The following CDH18 variants were observed in gnomAD, a reference collection of about 807,000 sequenced individuals.
The protein encoded by CDH18 is cadherin 18, also known as cadherin-18.
A neutral mutation model predicts 67.9 loss-of-function variants in CDH18; 31 were observed. The observed-to-expected ratio is 0.46, with a 90% confidence interval of 0.34 to 0.62. The LOEUF is 0.62. Among genes scored for constraint, CDH18 ranks in the 20% least tolerant of loss-of-function variants. CDH18 has a pLI of 0.01. For synonymous variants in CDH18, 362 were observed against 347.2 expected (o/e 1.04, Z -0.48); for missense variants, 890 against 975.5 (o/e 0.91, Z 1.17).
intron 1 of CDH18, among the ~76,000 whole-genome samples, chr5:20,328,044 A>C (rs577908272): frequency 9.7e-4 from 148 of 152,220 alleles, no homozygotes; most frequent in Non-Finnish European, 1.9e-3. Flanking sequence ...GTTAGAAAAT[A>C]AGAAGTCCAC....
intron 2 of CDH18, among the ~76,000 whole-genome samples, chr5:20,032,870 CATT>C (rs1004047335): frequency 6.6e-5 from 10 of 152,024 alleles, no homozygotes; most frequent in Admixed American, 2.6e-4. Flanking sequence ...TCACATAACA[CATT>C]AGTAGTAGTA....
intron 3 of CDH18, among the ~76,000 whole-genome samples, chr5:19,832,510 C>T (rs1175018317): frequency 6.6e-6 from 1 of 151,978 alleles, no homozygotes; most frequent in Admixed American, 6.6e-5. Flanking sequence ...GGAGTTATCC[C>T]TTCTCACGTT....
Position 19,558,263 on chromosome 5 carries a change from A to G in CDH18, c.1253+13316T>C, listed in dbSNP as rs531060577. Among the ~76,000 whole-genome samples, 6 of 151,642 alleles carry G rather than the reference A, an allele frequency of 4.0e-5. No homozygotes were observed. The South Asian group carries it at 1.0e-3, about 26-fold the overall frequency. The stretch of plus-strand genomic sequence containing the variant: ...AGAGAAACAAGAACAAACCACACCC[A>G]AACACAGGAGAAGAAAATAAATAAC... On this transcript the variant is annotated intron_variant, in intron 8 of 12. Coordinates refer to ENST00000382275, the MANE Select transcript of CDH18 (RefSeq NM_004934.5).
chr5:19,632,219 A>G lies in CDH18; in HGVS notation c.644-19618T>C, dbSNP rs186917565. On this transcript the variant is annotated intron_variant, in intron 5 of 12. Coordinates refer to ENST00000382275, the MANE Select transcript of CDH18 (RefSeq NM_004934.5). ...GACATATTTTCTCCAAAGCAGACAT[A>G]TAAGTCTGAAACTTCACAATTCCTG... is the stretch of plus-strand genomic sequence containing the variant. Among the ~76,000 whole-genome samples, 326 of 152,354 alleles carry G rather than the reference A, an allele frequency of 2.1e-3. 1 individual carries two copies. The highest frequency in any genetic ancestry group is 7.4e-3 in the African/African-American group (307 of 41,584).
rs1228694479 is a variant in CDH18, at chr5:19,502,655, AT to A, written c.1630+336del. The A allele has an allele frequency of 1.7e-5, 8 of 458,838 alleles. No individual in the cohort carries two copies. The East Asian group carries it at 2.7e-4, about 15-fold the overall frequency. The allele number at this position is 458,838 out of a possible 1,614,324, so 28.4% of individuals were successfully genotyped here. On this transcript the variant is annotated intron_variant, in intron 11 of 12. Coordinates refer to ENST00000382275, the MANE Select transcript of CDH18 (RefSeq NM_004934.5). ...TAACTGTCTCTAGGATATATTTTTC[AT>A]TTTTTCCTAATTTGAATATTTTCTA...
At chr5:20,409,003 G>T (rs957755269) in intron 1 of CDH18, among the ~76,000 whole-genome samples, 3 of 151,720 alleles carry the variant, frequency 2.0e-5, no homozygotes, top group African/African-American at 7.2e-5. Flanking sequence ...AATGATAAAA[G>T]AATAAATTGA....
intron 1 of CDH18, among the ~76,000 whole-genome samples, chr5:20,332,904 G>C (rs1739312597): frequency 6.6e-6 from 1 of 152,068 alleles, no homozygotes; most frequent in Non-Finnish European, 1.5e-5. Context: ...CCACACTCAT[G>C]TAGACTGGGA....
intron 2 of CDH18, among the ~76,000 whole-genome samples, chr5:20,216,477 C>A (rs565506604): frequency 3.3e-5 from 5 of 152,018 alleles, no homozygotes; most frequent in African/African-American, 1.2e-4. Context: ...AAGTAGGAAC[C>A]TGAAGATAGA....
At chr5:20,412,296 T>C (rs578142360) in intron 1 of CDH18, among the ~76,000 whole-genome samples, 2 of 152,238 alleles carry the variant, frequency 1.3e-5, no homozygotes, top group East Asian at 3.9e-4. Context: ...TAAACGATAC[T>C]GGGAAAACTG....
At chr5:20,390,496 T>G (rs1580888324) in intron 1 of CDH18, among the ~76,000 whole-genome samples, 1 of 152,272 alleles carries the variant, frequency 6.6e-6, no homozygotes, top group African/African-American at 2.4e-5. Flanking sequence ...CAACAGGTGC[T>G]GGAGAGGATG....
chr5:20,230,781 C>T (rs990760388), intron 2 of CDH18, among the ~76,000 whole-genome samples: 64 of 152,158 alleles, frequency 4.2e-4, no homozygotes, highest in African/African-American at 1.5e-3. Flanking sequence ...TTTTCTATTA[C>T]ATACTAATAA....
chr5:19,789,603 C>T (rs1776154655), intron 3 of CDH18, among the ~76,000 whole-genome samples: 1 of 151,888 alleles, frequency 6.6e-6, no homozygotes, highest in African/African-American at 2.4e-5. Context: ...AAAAATACGT[C>T]AATTATTAAG....
At position 20,022,903 on chromosome 5, in the gene CDH18, A is replaced by G. The variant is rs531119241; in HGVS notation, c.-517-30889T>C. ...AAAATCACTACCTTCCTGCATTTTTATAGAGCATATATTATTTGTAGTTAA... is the reference window on the plus strand; with the variant it reads ...AAAATCACTACCTTCCTGCATTTTTGTAGAGCATATATTATTTGTAGTTAA... On this transcript the variant is annotated intron_variant, in intron 2 of 14. Coordinates refer to the CDH18 transcript ENST00000507958. 2.4e-4 allele frequency among the ~76,000 whole-genome samples: 36 copies of G among 152,312 alleles called. 1 individual carries two copies. The South Asian group carries it at 6.6e-3, about 28-fold the overall frequency.
chr5:19,923,768 T>G (rs1476705612), intron 2 of CDH18, among the ~76,000 whole-genome samples: 3 of 152,182 alleles, frequency 2.0e-5, no homozygotes, highest in Non-Finnish European at 2.9e-5. Flanking sequence ...CTTTTAAAAA[T>G]CTGCAGCCAA....
chr5:19,827,816 C>T (rs184098182), intron 3 of CDH18, among the ~76,000 whole-genome samples: 96 of 151,240 alleles, frequency 6.3e-4, no homozygotes, highest in African/African-American at 2.1e-3. Context: ...ACTCTGACAC[C>T]GAAATAAGAG....
intron 7 of CDH18, among the ~76,000 whole-genome samples, chr5:19,590,519 C>T (rs186508398): frequency 9.2e-5 from 10 of 108,724 alleles, no homozygotes; most frequent in African/African-American, 2.4e-4. Context: ...GACAGACAGA[C>T]AGATAGATAG....
chr5:20,334,258 C>G (rs563285090), intron 1 of CDH18, among the ~76,000 whole-genome samples: 1 of 149,942 alleles, frequency 6.7e-6, no homozygotes, highest in African/African-American at 2.5e-5. Flanking sequence ...CTCAGCCTCC[C>G]GAGTAGCTGG....
At chr5:20,558,367 A>C (rs1031155204) in intron 1 of CDH18, among the ~76,000 whole-genome samples, 1 of 152,084 alleles carries the variant, frequency 6.6e-6, no homozygotes, top group Non-Finnish European at 1.5e-5. Flanking sequence ...CTGGAGTTTG[A>C]GGGGAGGAGT....
intron 2 of CDH18, among the ~76,000 whole-genome samples, chr5:20,157,645 CTT>C (rs538867743): frequency 2.9e-5 from 4 of 136,672 alleles, no homozygotes; most frequent in Non-Finnish European, 3.2e-5. Flanking sequence ...CTTTAACCCA[CTT>C]TTTTTTTTTT....
Sources: allele counts gnomAD v4.1 joint callset (sites outside exome capture counted in the v4.1 genomes callset), GRCh38; gene constraint gnomAD v4.1.1; transcripts MANE v1.5; gene names NCBI Gene and HGNC (gene_info 2026-07-23, HGNC 2026-07-21).